The following ETV6 variants were observed in gnomAD, a reference collection of about 807,000 sequenced individuals.
The protein encoded by ETV6 is transcription factor ETV6.
Under a neutral mutation model 51.1 loss-of-function variants are expected in ETV6, and 16 were observed. That is an observed-to-expected ratio of 0.31 (90% CI 0.21 to 0.48). The LOEUF is 0.48. Among genes scored for constraint, ETV6 ranks in the 20% least tolerant of loss-of-function variants. The pLI is 0.99. For synonymous variants in ETV6, 240 were observed against 224.1 expected, an observed-to-expected ratio of 1.07 and a Z score of -0.64; for missense variants, 458 against 594.8, an observed-to-expected ratio of 0.77 and a Z score of 2.39.
chr12:11,797,953 G>T (rs1306405729), intron 2 of ETV6, among the ~76,000 whole-genome samples: 1 of 152,170 alleles, frequency 6.6e-6, no homozygotes, highest in African/African-American at 2.4e-5. Context: ...TGTGTGATGG[G>T]TTTATTTGGG....
chr12:11,834,144 T>A (rs73052089), intron 2 of ETV6, among the ~76,000 whole-genome samples: 12,248 of 152,266 alleles, frequency 0.08, 524 homozygotes, highest in Non-Finnish European at 0.088. Flanking sequence ...ACGTTTCATC[T>A]GGAGGCAAAA....
chr12:11,682,606 G>T (rs1313127230), intron 1 of ETV6, among the ~76,000 whole-genome samples: 3 of 152,160 alleles, frequency 2.0e-5, no homozygotes, highest in Non-Finnish European at 4.4e-5. Context: ...TTGTTGCCAT[G>T]CTTTTGGAGT....
At chr12:11,854,768 A>G (rs1015408574) in intron 4 of ETV6, among the ~76,000 whole-genome samples, 1 of 152,078 alleles carries the variant, frequency 6.6e-6, no homozygotes, top group Non-Finnish European at 1.5e-5. Context: ...AGGGGTAATA[A>G]AAGTTGGAAG....
At chr12:11,664,197 G>A (rs1864154387) in intron 1 of ETV6, among the ~76,000 whole-genome samples, 1 of 152,184 alleles carries the variant, frequency 6.6e-6, no homozygotes, top group African/African-American at 2.4e-5. Flanking sequence ...TAATGGAAGA[G>A]AACTCTTTCT....
At chr12:11,723,057 A>G (rs1172554009) in intron 1 of ETV6, among the ~76,000 whole-genome samples, 1 of 152,188 alleles carries the variant, frequency 6.6e-6, no homozygotes, top group Non-Finnish European at 1.5e-5. Context: ...CTGGGCTTGA[A>G]TCTCAGATCT....
chr12:11,843,184 G>C (rs560820270), intron 3 of ETV6, among the ~76,000 whole-genome samples: 1 of 152,192 alleles, frequency 6.6e-6, no homozygotes, highest in African/African-American at 2.4e-5. Flanking sequence ...GGAGTATTGC[G>C]AATGGGTTTA....
chr12:11,824,425 G>A lies in ETV6; in HGVS notation c.164-14715G>A, dbSNP rs150368890. ...GTGAACTCTGCCACTAACCAGCCACGCTGATGGCCAGCTTTCAGGATAGCT... is the reference window on the plus strand; with the variant it reads ...GTGAACTCTGCCACTAACCAGCCACACTGATGGCCAGCTTTCAGGATAGCT... On this transcript the variant is annotated intron_variant, in intron 2 of 7. Coordinates refer to ENST00000396373, the MANE Select transcript of ETV6 (RefSeq NM_001987.5). Among the ~76,000 whole-genome samples, 732 of 152,322 alleles carry A rather than the reference G, an allele frequency of 4.8e-3. 1 individual carries two copies. The highest frequency in any genetic ancestry group is 0.01 in the Middle Eastern group (3 of 294).
chr12:11,666,398 A>ATAC (rs1184172790), intron 1 of ETV6, among the ~76,000 whole-genome samples: 2 of 152,240 alleles, frequency 1.3e-5, no homozygotes, highest in Admixed American at 6.5e-5. Flanking sequence ...ATGACTGGGC[A>ATAC]TACTATGGGA....
chr12:11,792,156 C>T lies in ETV6; in HGVS notation c.163+39577C>T, dbSNP rs573854437. On this transcript the variant is annotated intron_variant, in intron 2 of 7. Coordinates refer to ENST00000396373, the MANE Select transcript of ETV6 (RefSeq NM_001987.5). Reference sequence around the variant, plus strand: ...AAACCAAGGCACTATGCTGGGCCCTCCTTCTGTACAGAACACTTAGGCAGT... The same window carrying T: ...AAACCAAGGCACTATGCTGGGCCCTTCTTCTGTACAGAACACTTAGGCAGT... Among the ~76,000 whole-genome samples the T allele has an allele frequency of 3.9e-5, 6 of 152,328 alleles. No homozygotes were observed. The East Asian group carries it at 7.7e-4, about 20-fold the overall frequency.
intron 4 of ETV6, among the ~76,000 whole-genome samples, chr12:11,858,644 T>C (rs1264906821): frequency 6.6e-6 from 1 of 152,182 alleles, no homozygotes; most frequent in Non-Finnish European, 1.5e-5. Flanking sequence ...TTCAGCTCTT[T>C]AGTTGCATCC....
chr12:11,785,364 T>C (rs1183974640), intron 2 of ETV6, among the ~76,000 whole-genome samples: 1 of 152,212 alleles, frequency 6.6e-6, no homozygotes, highest in African/African-American at 2.4e-5. Flanking sequence ...TTCACTTGTA[T>C]ACCCTTTCCA....
chr12:11,692,619 A>G (rs1412818623), intron 1 of ETV6, among the ~76,000 whole-genome samples: 2 of 152,068 alleles, frequency 1.3e-5, no homozygotes, highest in African/African-American at 4.8e-5. Context: ...TATGTGTCTA[A>G]TCAGGTCAAT....
At chr12:11,759,995 C>T (rs551946937) in intron 2 of ETV6, among the ~76,000 whole-genome samples, 19 of 152,332 alleles carry the variant, frequency 1.2e-4, no homozygotes, top group African/African-American at 4.6e-4. Flanking sequence ...ACGTTAGCAG[C>T]GACGTTTAGA....
intron 1 of ETV6, chr12:11,751,539 G>A (rs144016867): frequency 0.013 from 6,199 of 494,564 alleles, 78 homozygotes; most frequent in Middle Eastern, 0.031. Flanking sequence ...CCCAACAGTC[G>A]GTTTCTTGCC....
chr12:11,724,647 G>A (rs1865454133), intron 1 of ETV6, among the ~76,000 whole-genome samples: 1 of 152,164 alleles, frequency 6.6e-6, no homozygotes, highest in Non-Finnish European at 1.5e-5. Context: ...TTGGTGACAA[G>A]AATAAAGAGT....
At chr12:11,684,620 C>T (rs1864592917) in intron 1 of ETV6, among the ~76,000 whole-genome samples, 1 of 152,216 alleles carries the variant, frequency 6.6e-6, no homozygotes, top group Non-Finnish European at 1.5e-5. Context: ...CACCCTTCCC[C>T]TTCCCTATTA....
intron 2 of ETV6, among the ~76,000 whole-genome samples, chr12:11,822,013 T>C (rs1946088489): frequency 6.6e-6 from 1 of 152,254 alleles, no homozygotes; most frequent in African/African-American, 2.4e-5. Flanking sequence ...TTCCTCTGAC[T>C]GGAAAGCTGT....
At chr12:11,718,087 TA>T (rs201937827) in intron 1 of ETV6, among the ~76,000 whole-genome samples, 4,650 of 152,254 alleles carry the variant, frequency 0.031, 112 homozygotes, top group East Asian at 0.082. Context: ...AGGCCCATAA[TA>T]AAAAACTTGA....
At chr12:11,822,062 C>T (rs1222823798) in intron 2 of ETV6, among the ~76,000 whole-genome samples, 2 of 152,232 alleles carry the variant, frequency 1.3e-5, no homozygotes, top group Non-Finnish European at 2.9e-5. Context: ...TGGCCGTGCA[C>T]GAATGCACTA....
Sources: allele counts gnomAD v4.1 joint callset (sites outside exome capture counted in the v4.1 genomes callset), GRCh38; gene constraint gnomAD v4.1.1; transcripts MANE v1.5; gene names NCBI Gene and HGNC (gene_info 2026-07-23, HGNC 2026-07-21).